The following CTBP1 variants were observed in gnomAD, a reference collection of about 807,000 sequenced individuals.
CTBP1 encodes C-terminal-binding protein 1.
CTBP1 carries 11 observed loss-of-function variants against 42.1 expected under a neutral mutation model. The ratio of observed to expected loss-of-function variants is 0.26; its 90% CI spans 0.16 to 0.43. CTBP1 has a LOEUF of 0.43. Ranked by LOEUF, CTBP1 falls within the 20% of genes least tolerant of loss-of-function variation. The pLI, the probability that CTBP1 is intolerant of heterozygous loss-of-function variation, is 1.00. For missense variants in CTBP1, 399 were observed against 624.3 expected (o/e 0.64, Z 3.85); for synonymous variants, 324 against 277.1 (o/e 1.17, Z -1.68).
At position 1,213,507 on chromosome 4, in the gene CTBP1, G is replaced by T; in HGVS notation, c.959C>A (p.Ala320Glu). Residue 320 changes from alanine (A) to glutamate (E), a missense_variant, in exon 8 of 10, where the codon GCG becomes GAG. Transcript: ENST00000382952. ...GATGGCTCTGCGGATCTCCCGTGCC[G>T]CCTCCTCTCGCATCTCGATGGATGC... ...EQASIEMREE[A>E]AREIRRAITG... The T allele has an allele frequency of 6.2e-7, 1 of 1,612,432 alleles. No homozygotes were observed.
In CTBP1 at chr4:1,233,594, T is replaced by C. The variant is rs1731183945; in HGVS notation, c.162+4589A>G. Among the ~76,000 whole-genome samples the C allele has an allele frequency of 6.6e-6, 1 of 152,060 alleles. No homozygotes were observed. The highest frequency in any genetic ancestry group is 1.5e-5 in the Non-Finnish European group (1 of 68,002). On this transcript the variant is annotated intron_variant, in intron 3 of 9. Transcript: ENST00000382952. This position sits in a 1 kb window ranked among gnomAD's most constrained non-coding sequence, Gnocchi z 4.6. ...TGCTGGGCTGAAAACCCTTCTCCTG[T>C]GGAAATTCCAAAGCAGGCGAGTGGG... is the stretch of plus-strand genomic sequence containing the variant.
chr4:1,223,732 C>T (rs1440114907), intron 5 of CTBP1, among the ~76,000 whole-genome samples: 1 of 152,192 alleles, frequency 6.6e-6, no homozygotes, highest in Non-Finnish European at 1.5e-5. Flanking sequence ...AGATGCTCCC[C>T]CTCCCTCACG....
At chr4:1,236,284 C>G (rs1331401169) in intron 3 of CTBP1, 2 of 310,202 alleles carry the variant, frequency 6.4e-6, no homozygotes, top group African/African-American at 2.1e-5. Context: ...CCAGACCAAC[C>G]TAGTTCTCAT....
chr4:1,237,622 T>G (rs1422643332), intron 3 of CTBP1: 1 of 615,772 alleles, frequency 1.6e-6, no homozygotes, highest in African/African-American at 2.0e-5. Context: ...CACCTCCTGA[T>G]GGGGCTCAGG....
At chr4:1,222,557 A>T (rs1282829752) in intron 5 of CTBP1, among the ~76,000 whole-genome samples, 4 of 152,120 alleles carry the variant, frequency 2.6e-5, no homozygotes, top group Admixed American at 2.6e-4. Flanking sequence ...TGCACTCCTC[A>T]GGACGCCGGG....
chr4:1,245,322 TTTGTTCAGC>T, intron 1 of CTBP1: 1 of 985,420 alleles, frequency 1.0e-6, no homozygotes, highest in South Asian at 4.7e-5. Flanking sequence ...CGTTTCCCTG[TTTGTTCAGC>T]GAGCACATGC....
chr4:1,248,570 G>C (rs1336394259), intron 1 of CTBP1: 1 of 573,906 alleles, frequency 1.7e-6, no homozygotes, highest in Non-Finnish European at 2.2e-6. Context: ...ATCGGGACCC[G>C]GGGTGCCGTC....
intron 7 of CTBP1, chr4:1,213,846 C>T (rs1388249917): frequency 2.1e-5 from 11 of 519,822 alleles, no homozygotes; most frequent in Admixed American, 7.4e-5. Context: ...CCAAGTCCCT[C>T]GTGGGAGGAG....
chr4:1,242,846 C>T, intron 1 of CTBP1: 1 of 985,436 alleles, frequency 1.0e-6, no homozygotes, highest in Non-Finnish European at 1.2e-6. Flanking sequence ...TCACATTTCA[C>T]CCACGAGCCA....
chr4:1,247,038 G>A (rs1296428140), intron 1 of CTBP1, among the ~76,000 whole-genome samples: 2 of 152,208 alleles, frequency 1.3e-5, no homozygotes, highest in South Asian at 2.1e-4. Flanking sequence ...ACTCATCAGA[G>A]GGACAGGACC....
chr4:1,249,717 G>C (rs1047464023), upstream of CTBP1: 3 of 397,686 alleles, frequency 7.5e-6, no homozygotes, highest in Non-Finnish European at 1.5e-5. Context: ...GTCCCCAGGC[G>C]GGGGAGCCCC....
intron 7 of CTBP1, 193 bp from the exon 8 acceptor site, chr4:1,213,798 T>G: frequency 1.5e-6 from 1 of 657,250 alleles, no homozygotes. Context: ...CAGGGGCTCC[T>G]GACAGCGGCG....
chr4:1,239,748 C>CCCTGGCGT (rs1731962599), intron 2 of CTBP1, among the ~76,000 whole-genome samples: 1 of 152,246 alleles, frequency 6.6e-6, no homozygotes, highest in Admixed American at 6.5e-5. Flanking sequence ...GGTCCTCGCG[C>CCCTGGCGT]CCTGGCGTCC....
intron 5 of CTBP1, among the ~76,000 whole-genome samples, chr4:1,220,915 C>T (rs1729666719): frequency 6.6e-6 from 1 of 152,226 alleles, no homozygotes; most frequent in African/African-American, 2.4e-5. Context: ...CTGGGGTAAA[C>T]AGATTCCTCA....
chr4:1,229,829 C>A (rs2090879257), intron 3 of CTBP1, among the ~76,000 whole-genome samples: 1 of 152,198 alleles, frequency 6.6e-6, no homozygotes, highest in South Asian at 2.1e-4. Flanking sequence ...CACAGCCTCC[C>A]TTCCCTCCTG....
At position 1,244,356 on chromosome 4, in the gene CTBP1, G is replaced by GC. The variant is rs1042722760; in HGVS notation, c.-188-2838_-188-2837insG. On this transcript the variant is annotated intron_variant, in intron 1 of 9. Coordinates refer to ENST00000382952, the MANE Select transcript of CTBP1 (RefSeq NM_001012614.2). Reference sequence around the variant, plus strand: ...AGCCACAGTGGGTCTCTGGGCACTGGGGGGGGGGTGTTCCAGGAAGTCCCA... The same window carrying GC: ...AGCCACAGTGGGTCTCTGGGCACTGGCGGGGGGGGTGTTCCAGGAAGTCCCA... 4.4e-5 allele frequency: 42 copies of GC among 961,110 alleles called. No homozygotes were observed. In the Admixed American group the frequency reaches 1.6e-3, roughly 36 times the overall value. 59.5% of individuals were successfully genotyped at this position (961,110 alleles called of 1,614,324 possible).
intron 5 of CTBP1, among the ~76,000 whole-genome samples, 188 bp downstream of exon 5, chr4:1,225,172 C>T (rs570265014): frequency 1.8e-4 from 28 of 152,176 alleles, no homozygotes; most frequent in Non-Finnish European, 3.2e-4. Flanking sequence ...CTGTGACGTC[C>T]GTGCACGTAG....
In CTBP1 at chr4:1,212,064, C is replaced by T. The variant is rs1018951262; in HGVS notation, c.*176G>A. ...CGAAGGACACAGGGCAGAGCGCCCACAGGACGGACGACGACAAGCGACACG... is the reference window on the plus strand; with the variant it reads ...CGAAGGACACAGGGCAGAGCGCCCATAGGACGGACGACGACAAGCGACACG... On this transcript the variant is annotated 3_prime_UTR_variant, in exon 10 of 10. Coordinates refer to ENST00000382952, the MANE Select transcript of CTBP1 (RefSeq NM_001012614.2). 1 of 463,218 alleles carries T rather than the reference C, an allele frequency of 2.2e-6. No individual in the cohort carries two copies. The highest frequency in any genetic ancestry group is 5.5e-5 in the South Asian group (1 of 18,178). 28.7% of individuals were successfully genotyped at this position (463,218 alleles called of 1,614,324 possible).
intron 5 of CTBP1, chr4:1,221,932 C>A: frequency 2.8e-6 from 1 of 352,436 alleles, no homozygotes; most frequent in Non-Finnish European, 5.8e-6. Flanking sequence ...GGCACCAGAG[C>A]CTCGTAGAGC....
Sources: allele counts gnomAD v4.1 joint callset (sites outside exome capture counted in the v4.1 genomes callset), GRCh38; gene constraint gnomAD v4.1.1; non-coding constraint Gnocchi (gnomAD v3.1); transcripts MANE v1.5; gene names NCBI Gene and HGNC (gene_info 2026-07-23, HGNC 2026-07-21).